Variants in MAGI2 observed in about 807,000 individuals in gnomAD.
MAGI2 encodes the protein membrane-associated guanylate kinase, WW and PDZ domain-containing protein 2.
A neutral mutation model predicts 133.3 loss-of-function variants in MAGI2; 35 were observed. The ratio of observed to expected loss-of-function variants is 0.26; its 90% CI spans 0.20 to 0.35. The LOEUF (loss-of-function observed/expected upper bound fraction) is 0.35, where lower values mean the gene tolerates loss of function less well. Among genes scored for constraint, MAGI2 ranks in the 10% least tolerant of loss-of-function variants. The pLI is 1.00. For missense variants in MAGI2, 1,636 were observed against 1,863.4 expected (o/e 0.88, Z 2.25); for synonymous variants, 729 against 710.6 (o/e 1.03, Z -0.41).
intron 1 of MAGI2, among the ~76,000 whole-genome samples, chr7:79,187,505 G>A (rs558960374): frequency 1.3e-5 from 2 of 151,860 alleles, no homozygotes; most frequent in East Asian, 3.9e-4. Flanking sequence ...TTCATCATAT[G>A]TACATAGAAT....
At chr7:78,639,634 A>G (rs765195285) in intron 2 of MAGI2, among the ~76,000 whole-genome samples, 10 of 152,200 alleles carry the variant, frequency 6.6e-5, no homozygotes, top group Non-Finnish European at 1.2e-4. Flanking sequence ...TTACTTTAAA[A>G]AAATTACAGA....
At chr7:79,019,551 C>A (rs867690781) in intron 1 of MAGI2, among the ~76,000 whole-genome samples, 2 of 151,372 alleles carry the variant, frequency 1.3e-5, no homozygotes, top group East Asian at 3.9e-4. Flanking sequence ...TTCTTTTTTT[C>A]TTTCTTTTTT....
intron 1 of MAGI2, among the ~76,000 whole-genome samples, chr7:79,249,117 G>A (rs1008436927): frequency 6.6e-5 from 10 of 151,880 alleles, no homozygotes; most frequent in African/African-American, 1.2e-4. Flanking sequence ...CAGAGTGCTG[G>A]GATTACAGGC....
chr7:78,246,759 G>A (rs577382321), intron 10 of MAGI2, among the ~76,000 whole-genome samples: 13 of 152,270 alleles, frequency 8.5e-5, no homozygotes, highest in East Asian at 7.7e-4. Flanking sequence ...ACGCTATGTC[G>A]TATTGGCTCT....
At chr7:78,802,282 G>C (rs748478142) in intron 2 of MAGI2, among the ~76,000 whole-genome samples, 2 of 152,032 alleles carry the variant, frequency 1.3e-5, no homozygotes, top group African/African-American at 4.8e-5. Context: ...GTACATTCAT[G>C]AGTGTTTTTT....
chr7:79,013,447 G>A (rs946247783), intron 1 of MAGI2, among the ~76,000 whole-genome samples: 2 of 152,156 alleles, frequency 1.3e-5, no homozygotes, highest in Admixed American at 6.6e-5. Context: ...AACCGCAAAT[G>A]TACCTTAGGT....
At chr7:79,192,399 G>T (rs1166335659) in intron 1 of MAGI2, among the ~76,000 whole-genome samples, 1 of 151,684 alleles carries the variant, frequency 6.6e-6, no homozygotes. Context: ...CAACCATTTA[G>T]AATGGTTAAT....
intron 1 of MAGI2, among the ~76,000 whole-genome samples, chr7:79,135,895 G>A (rs147390200): frequency 5.4e-5 from 8 of 149,016 alleles, no homozygotes; most frequent in African/African-American, 1.7e-4. Context: ...GAGCTGTAAC[G>A]ATGCCACTGA....
chr7:78,147,599 T>C (rs1473612722), intron 16 of MAGI2, among the ~76,000 whole-genome samples: 1 of 152,140 alleles, frequency 6.6e-6, no homozygotes, highest in Non-Finnish European at 1.5e-5. Flanking sequence ...CGTGTTTTGT[T>C]GTCCATAATG....
At chr7:78,849,203 G>T (rs1005627015) in intron 2 of MAGI2, among the ~76,000 whole-genome samples, 1 of 151,976 alleles carries the variant, frequency 6.6e-6, no homozygotes, top group Non-Finnish European at 1.5e-5. Context: ...CTTTTTAGAC[G>T]CTTACTGGCT....
At chr7:78,334,932 T>G (rs1789599005) in intron 9 of MAGI2, among the ~76,000 whole-genome samples, 1 of 152,134 alleles carries the variant, frequency 6.6e-6, no homozygotes, top group Non-Finnish European at 1.5e-5. Flanking sequence ...CTTTGAAAAG[T>G]ATATTCCAGA....
rs139864512 is a variant in MAGI2 at position 78,749,298 on chromosome 7, G to T, written c.419-122059C>A. On this transcript the variant is annotated intron_variant, in intron 2 of 21. Coordinates refer to ENST00000354212, the MANE Select transcript of MAGI2 (RefSeq NM_012301.4). ...GGGAAAAGGTGTCCAAGCTATAGAG[G>T]CAAGGCACTATTCTAAACAGTGGTG... 4.4e-3 allele frequency among the ~76,000 whole-genome samples: 677 copies of T among 152,238 alleles called. 4 individuals are homozygous for T. The highest frequency in any genetic ancestry group is 0.01 in the Middle Eastern group (3 of 294).
intron 1 of MAGI2, among the ~76,000 whole-genome samples, chr7:79,367,502 A>G (rs1376170135): frequency 6.6e-6 from 1 of 152,160 alleles, no homozygotes; most frequent in Non-Finnish European, 1.5e-5. Flanking sequence ...ACCTGGCTTC[A>G]AAGCTGAAAT....
chr7:78,345,701 G>A, intron 8 of MAGI2: 1 of 566,216 alleles, frequency 1.8e-6, no homozygotes, highest in Non-Finnish European at 3.1e-6. Context: ...GTGACATGCT[G>A]TACATTCCTA....
intron 1 of MAGI2, among the ~76,000 whole-genome samples, chr7:79,106,978 G>A (rs1257823074): frequency 6.6e-6 from 1 of 152,198 alleles, no homozygotes; most frequent in East Asian, 1.9e-4. Flanking sequence ...AGAGAAATTA[G>A]AGTAATTTAC....
At chr7:79,118,768 C>T (rs1170436352) in intron 1 of MAGI2, among the ~76,000 whole-genome samples, 3 of 152,108 alleles carry the variant, frequency 2.0e-5, no homozygotes, top group Admixed American at 2.0e-4. Flanking sequence ...GACCTCCTCC[C>T]TGATTCCACT....
At chr7:79,202,290 A>G (rs1195416839) in intron 1 of MAGI2, among the ~76,000 whole-genome samples, 1 of 151,894 alleles carries the variant, frequency 6.6e-6, no homozygotes, top group Admixed American at 6.6e-5. Flanking sequence ...GGTAAGGAAG[A>G]GTCACACCCA....
intron 1 of MAGI2, among the ~76,000 whole-genome samples, chr7:79,187,557 A>C (rs888851912): frequency 9.2e-5 from 14 of 151,930 alleles, no homozygotes; most frequent in Non-Finnish European, 4.4e-5. Flanking sequence ...CTATTTTCTC[A>C]GCAACAATTT....
At chr7:78,535,044 A>C (rs1450543312) in intron 3 of MAGI2, among the ~76,000 whole-genome samples, 1 of 152,172 alleles carries the variant, frequency 6.6e-6, no homozygotes, top group Non-Finnish European at 1.5e-5. Context: ...GAGGCAGAGA[A>C]ATGCTTGAAC....
Sources: gnomAD v4.1 joint callset for allele counts (sites outside exome capture counted in the v4.1 genomes callset) on GRCh38, gnomAD v4.1.1 for gene constraint, MANE v1.5 for transcripts, NCBI Gene and HGNC (gene_info 2026-07-23, HGNC 2026-07-21) for gene names.